The following MEI4 variants were observed in gnomAD, a reference collection of about 807,000 sequenced individuals.
MEI4 encodes meiosis-specific protein MEI4.
MEI4 carries 27 observed loss-of-function variants against 31.4 expected under a neutral mutation model. That is an observed-to-expected ratio of 0.86 (90% CI 0.63 to 1.19). MEI4 has a LOEUF of 1.19. Among genes scored for constraint, MEI4 ranks in the 50% most tolerant of loss-of-function variants. MEI4 has a pLI of 0.00. For missense variants in MEI4, 329 were observed against 398.9 expected, an observed-to-expected ratio of 0.82 and a Z score of 1.49; for synonymous variants, 122 against 145.4, an observed-to-expected ratio of 0.84 and a Z score of 1.16.
intron 2 of MEI4, among the ~76,000 whole-genome samples, chr6:77,693,264 A>G (rs1465445872): frequency 6.6e-6 from 1 of 152,058 alleles, no homozygotes; most frequent in African/African-American, 2.4e-5. Flanking sequence ...AAACATAGTC[A>G]ATTTTTCTTT....
At chr6:77,734,813 C>G (rs1049502244) in intron 2 of MEI4, among the ~76,000 whole-genome samples, 1 of 151,380 alleles carries the variant, frequency 6.6e-6, no homozygotes, top group African/African-American at 2.4e-5. Context: ...TTCAGGAGCT[C>G]TTTTAGGGCA....
At chr6:77,728,148 AT>A (rs1766875152) in intron 2 of MEI4, among the ~76,000 whole-genome samples, 1 of 152,170 alleles carries the variant, frequency 6.6e-6, no homozygotes, top group Admixed American at 6.6e-5. Flanking sequence ...ATAGATGTTT[AT>A]TGGTTGGATG....
At chr6:77,689,815 T>C (rs1469963280) in intron 1 of MEI4, among the ~76,000 whole-genome samples, 1 of 152,080 alleles carries the variant, frequency 6.6e-6, no homozygotes, top group Non-Finnish European at 1.5e-5. Context: ...CTGGGTCATC[T>C]TACTTTTCAC....
At chr6:77,680,793 A>G (rs528673425) in intron 1 of MEI4, among the ~76,000 whole-genome samples, 3 of 152,324 alleles carry the variant, frequency 2.0e-5, no homozygotes, top group Admixed American at 1.3e-4. Context: ...AGAAGCCATG[A>G]CACACTGTCA....
intron 2 of MEI4, among the ~76,000 whole-genome samples, chr6:77,746,291 T>C (rs1317013952): frequency 6.6e-6 from 1 of 152,180 alleles, no homozygotes; most frequent in Non-Finnish European, 1.5e-5. Flanking sequence ...TTAAATGTGT[T>C]TTCAGATAAG....
intron 1 of MEI4, among the ~76,000 whole-genome samples, chr6:77,664,045 G>C (rs1252202784): frequency 4.6e-5 from 7 of 152,208 alleles, no homozygotes; most frequent in Non-Finnish European, 8.8e-5. Flanking sequence ...GGAGGTTCTG[G>C]AGGAACGCCT....
intron 3 of MEI4, among the ~76,000 whole-genome samples, chr6:77,819,645 C>T (rs1769769765): frequency 6.6e-6 from 1 of 152,140 alleles, no homozygotes; most frequent in African/African-American, 2.4e-5. Context: ...GTAGAAAATA[C>T]TTTAGGACTG....
At chr6:77,839,137 G>T (rs1770295255) in intron 4 of MEI4, among the ~76,000 whole-genome samples, 1 of 152,078 alleles carries the variant, frequency 6.6e-6, no homozygotes, top group Admixed American at 6.6e-5. Context: ...ACTGGTAATG[G>T]GGACATTATG....
At chr6:77,855,937 AC>A (rs1395318440) in intron 4 of MEI4, among the ~76,000 whole-genome samples, 1 of 152,162 alleles carries the variant, frequency 6.6e-6, no homozygotes, top group Non-Finnish European at 1.5e-5. Context: ...GAATTTAAAA[AC>A]CATAACATCA....
At chr6:77,660,844 G>C (rs1768491481) in intron 1 of MEI4, among the ~76,000 whole-genome samples, 2 of 152,100 alleles carry the variant, frequency 1.3e-5, no homozygotes, top group African/African-American at 2.4e-5. Context: ...TACTATAGAT[G>C]ACTAAGTAGG....
At chr6:77,762,560 C>T (rs1768069499) in intron 3 of MEI4, among the ~76,000 whole-genome samples, 1 of 152,126 alleles carries the variant, frequency 6.6e-6, no homozygotes, top group Admixed American at 6.6e-5. Context: ...GGTTATTGGA[C>T]CTTGTTTCTT....
chr6:77,782,872 A>G (rs186670919), intron 3 of MEI4, among the ~76,000 whole-genome samples: 330 of 152,366 alleles, frequency 2.2e-3, no homozygotes, highest in Middle Eastern at 0.017. Flanking sequence ...CTTCAAATCT[A>G]GAGTAGCCTA....
intron 4 of MEI4, among the ~76,000 whole-genome samples, chr6:77,859,821 T>C (rs540862432): frequency 1.2e-4 from 18 of 152,314 alleles, no homozygotes; most frequent in African/African-American, 4.3e-4. Flanking sequence ...CACACTTTCA[T>C]TTTAGAGATG....
intron 2 of MEI4, among the ~76,000 whole-genome samples, chr6:77,713,275 A>G (rs1207458314): frequency 6.6e-6 from 1 of 152,186 alleles, no homozygotes; most frequent in East Asian, 1.9e-4. Context: ...TTCCTGTCAC[A>G]TAGGCAACAA....
intron 4 of MEI4, among the ~76,000 whole-genome samples, chr6:77,841,777 AAGTT>A (rs1160727765): frequency 1.3e-5 from 2 of 152,198 alleles, no homozygotes; most frequent in East Asian, 1.9e-4. Flanking sequence ...AATCCAAAGA[AAGTT>A]AGATTGACTG....
chr6:77,791,809 C>T (rs1768944677), intron 3 of MEI4, among the ~76,000 whole-genome samples: 1 of 151,900 alleles, frequency 6.6e-6, no homozygotes, highest in Admixed American at 6.6e-5. Flanking sequence ...TAGTAATTTT[C>T]AAGAATTCAT....
intron 2 of MEI4, among the ~76,000 whole-genome samples, chr6:77,747,336 A>C (rs1454786382): frequency 1.3e-5 from 2 of 152,128 alleles, no homozygotes; most frequent in East Asian, 3.9e-4. Flanking sequence ...AGAAAAAGAG[A>C]AAGGACTGCC....
chr6:77,697,279 T>C (rs974292753), intron 2 of MEI4, among the ~76,000 whole-genome samples: 2 of 152,212 alleles, frequency 1.3e-5, no homozygotes, highest in African/African-American at 2.4e-5. Flanking sequence ...AGTTCTGCTC[T>C]GATTTTAGTT....
Position 77,923,891 on chromosome 6 carries a change from TTTTA to T in MEI4, c.*553_*556del, listed in dbSNP as rs1172648164. 1.3e-5 allele frequency: 2 copies of T among 151,896 alleles called. No individual in the cohort carries two copies. The highest frequency in any genetic ancestry group is 6.6e-5 in the Admixed American group (1 of 15,184). The allele number at this position is 151,896 out of a possible 1,614,324, so 9.4% of individuals were successfully genotyped here. ...TTTAACATTTGGAAACTTAATTGCTTTTTATTTATTTCAATTTCATATGGCTAAT... is the reference window on the plus strand; with the variant it reads ...TTTAACATTTGGAAACTTAATTGCTTTTTATTTCAATTTCATATGGCTAAT... On this transcript the variant is annotated 3_prime_UTR_variant, in exon 5 of 5. Transcript: ENST00000684080.
Sources: gnomAD v4.1 joint callset for allele counts (sites outside exome capture counted in the v4.1 genomes callset) on GRCh38, gnomAD v4.1.1 for gene constraint, MANE v1.5 for transcripts, NCBI Gene and HGNC (gene_info 2026-07-23, HGNC 2026-07-21) for gene names.